The following DHX57 variants were observed in gnomAD, a reference collection of about 807,000 sequenced individuals.
The protein encoded by DHX57 is DExH-box helicase 57, also known as putative ATP-dependent RNA helicase DHX57.
DHX57 carries 105 observed loss-of-function variants against 156.2 expected under a neutral mutation model. The observed-to-expected ratio is 0.67, with a 90% confidence interval of 0.57 to 0.79. The LOEUF is 0.79. Among genes scored for constraint, DHX57 ranks in the 30% least tolerant of loss-of-function variants. DHX57 has a pLI of 0.00. For missense variants in DHX57, 1,847 were observed against 1,661.9 expected (o/e 1.11, Z -1.94); for synonymous variants, 704 against 595.6 (o/e 1.18, Z -2.65).
chr2:38,856,452 G>T lies in DHX57; in HGVS notation c.1597C>A (p.Gln533Lys). 3.1e-6 allele frequency: 5 copies of T among 1,593,776 alleles called. No homozygotes were observed. Among genetic ancestry groups the T allele is most frequent in the Non-Finnish European group, 4.3e-6 (5 of 1,174,918 alleles). The change falls in exon 7 of 24, where the codon CAG (glutamine) becomes AAG (lysine). Residue 533 changes from glutamine to lysine, a missense_variant. Gln to Lys is a moderately conservative substitution (Grantham distance 53). Transcript: ENST00000457308. ...CTCTCTTGCAGAATGGACTGGAACTGTCTGGAAGCCTAATAAAATCAAAGA... is the reference window on the plus strand; with the variant it reads ...CTCTCTTGCAGAATGGACTGGAACTTTCTGGAAGCCTAATAAAATCAAAGA... ...KQFRMKQASRQFQSILQERQS... is the reference protein window; with the variant it reads ...KQFRMKQASRKFQSILQERQS...
At chr2:38,836,301 C>T (rs1191046249) in intron 13 of DHX57, among the ~76,000 whole-genome samples, 2 of 152,186 alleles carry the variant, frequency 1.3e-5, no homozygotes, top group East Asian at 1.9e-4. Flanking sequence ...ACCTCTGCCA[C>T]CCGAGACAGC....
chr2:38,817,314 A>T (rs1001327095), intron 19 of DHX57, among the ~76,000 whole-genome samples: 1 of 151,890 alleles, frequency 6.6e-6, no homozygotes, highest in African/African-American at 2.4e-5. Flanking sequence ...GAATTTATTT[A>T]TTTATTTATT....
intron 13 of DHX57, among the ~76,000 whole-genome samples, chr2:38,834,379 T>C (rs1207421678): frequency 2.0e-5 from 3 of 148,250 alleles, no homozygotes; most frequent in Admixed American, 6.7e-5. Flanking sequence ...CTGCATACAA[T>C]GAACTATATA....
rs191050614 is a variant in DHX57, at chr2:38,834,633, T to C, written c.2542+3198A>G. 1.1e-3 allele frequency among the ~76,000 whole-genome samples: 162 copies of C among 152,310 alleles called. 1 individual carries two copies. The highest frequency in any genetic ancestry group is 3.5e-3 in the African/African-American group (147 of 41,584). On this transcript the variant is annotated intron_variant, in intron 13 of 23. Transcript: ENST00000457308. ...ATACAGTAAACCTTGAATAACATCA[T>C]GGCTATACGAAGTGCCACTAGTGAT...
At chr2:38,838,781 A>G (rs1000507456) in intron 12 of DHX57, 1 of 456,486 alleles carries the variant, frequency 2.2e-6, no homozygotes, top group East Asian at 7.0e-5. Flanking sequence ...TCCCTGAAAA[A>G]TAAATGTGAT....
At chr2:38,832,984 T>C (rs1671459748) in intron 13 of DHX57, among the ~76,000 whole-genome samples, 1 of 149,292 alleles carries the variant, frequency 6.7e-6, no homozygotes, top group South Asian at 2.1e-4. Context: ...GTCTATTCTT[T>C]TTTTTTTTTT....
At chr2:38,858,624 G>C in intron 6 of DHX57, 37 bp downstream of exon 6, 8 of 1,571,406 alleles carry the variant, frequency 5.1e-6, no homozygotes, top group Non-Finnish European at 6.9e-6. Flanking sequence ...CCAGATATTA[G>C]GGAGGCAACG....
chr2:38,846,633 A>G (rs1302918314), intron 11 of DHX57, among the ~76,000 whole-genome samples: 2 of 148,980 alleles, frequency 1.3e-5, no homozygotes, highest in African/African-American at 2.5e-5. Flanking sequence ...AAAAAAAAAG[A>G]AAGAAAGAAA....
Position 38,828,402 on chromosome 2 carries a change from T to G in DHX57, c.2577A>C (p.Glu859Asp). The change falls in exon 14 of 24, where the codon GAA becomes GAC. Residue 859 changes from glutamate to aspartate, a missense_variant. Glu to Asp is a conservative substitution (Grantham distance 45). Coordinates refer to ENST00000457308, the MANE Select transcript of DHX57 (RefSeq NM_198963.3). ...GTAGCTGTTCATAAAGCATTTTGATTTCTGCTAGTCCTGGTAAAAATACAA... is the reference window on the plus strand; with the variant it reads ...GTAGCTGTTCATAAAGCATTTTGATGTCTGCTAGTCCTGGTAAAAATACAA... Reference protein sequence around the residue: ...AILVFLPGLAEIKMLYEQLQS... With the variant: ...AILVFLPGLADIKMLYEQLQS... 1.2e-6 allele frequency: 2 copies of G among 1,613,728 alleles called. No homozygotes were observed. The highest frequency in any genetic ancestry group is 1.7e-6 in the Non-Finnish European group (2 of 1,179,812).
chr2:38,813,935 C>CTATT, intron 20 of DHX57, 40 bp from the exon 21 acceptor site: 1 of 1,602,010 alleles, frequency 6.2e-7, no homozygotes, highest in East Asian at 2.3e-5. Flanking sequence ...AGTGATATGG[C>CTATT]TATTTCTTTT....
At chr2:38,866,121 C>CA (rs1373667162) in intron 2 of DHX57, among the ~76,000 whole-genome samples, 2 of 152,182 alleles carry the variant, frequency 1.3e-5, no homozygotes, top group Admixed American at 6.5e-5. Context: ...TAAAGGCATA[C>CA]ACTGAATAGA....
At chr2:38,807,738 C>A (rs1203382991) in intron 21 of DHX57, among the ~76,000 whole-genome samples, 2 of 151,870 alleles carry the variant, frequency 1.3e-5, no homozygotes, top group Non-Finnish European at 2.9e-5. Context: ...ACCTCCGCCT[C>A]CTGGGTTCAA....
chr2:38,842,476 C>T (rs3112158), intron 12 of DHX57, among the ~76,000 whole-genome samples: 135,831 of 152,136 alleles, frequency 0.89, 62,687 homozygotes, highest in Non-Finnish European at 1. Context: ...ACTGTGGTTA[C>T]GTAAGAGAAT....
In DHX57 at chr2:38,855,602, T is replaced by C. The variant is rs537470951; in HGVS notation, c.1710-350A>G. On this transcript the variant is annotated intron_variant, in intron 7 of 23. Transcript: ENST00000457308. The stretch of plus-strand genomic sequence containing the variant: ...TATGATTATCAAAATATTTTATAGG[T>C]ATTAATTTAGCTATGATTAGGCTGA... 3.9e-5 allele frequency among the ~76,000 whole-genome samples: 6 copies of C among 152,300 alleles called. No homozygotes were observed. In the South Asian group the frequency reaches 8.3e-4, roughly 21 times the overall value.
At chr2:38,838,210 G>T (rs570346369) in intron 12 of DHX57, among the ~76,000 whole-genome samples, 6 of 152,136 alleles carry the variant, frequency 3.9e-5, no homozygotes, top group Non-Finnish European at 7.4e-5. Context: ...GTGATCCTCC[G>T]ATCTCAGCCT....
intron 20 of DHX57, among the ~76,000 whole-genome samples, chr2:38,815,218 C>T (rs1670464547): frequency 6.6e-6 from 1 of 152,050 alleles, no homozygotes; most frequent in Admixed American, 6.6e-5. Flanking sequence ...AGGTGGTACA[C>T]CACCATGCCT....
chr2:38,825,957 A>C lies in DHX57; in HGVS notation c.2904T>G (p.Val968=), dbSNP rs1342740834. 4.3e-6 allele frequency: 7 copies of C among 1,614,238 alleles called. No individual in the cohort carries two copies. The highest frequency in any genetic ancestry group is 5.9e-6 in the Non-Finnish European group (7 of 1,180,040). The change falls in exon 16 of 24, where the codon GTT becomes GTG. Residue 968 remains valine (V), a synonymous_variant. Transcript: ENST00000457308. The part of the protein sequence containing the change: ...ALQRKGRAGR[V]ASGVCFHLFT... Reference sequence around the variant, plus strand: ...ATAAATGGAAGCAGACCCCAGATGCAACACGGCCTGCTCGGCCTTTCCTTT... The same window carrying C: ...ATAAATGGAAGCAGACCCCAGATGCCACACGGCCTGCTCGGCCTTTCCTTT...
rs370092644 is a variant in DHX57 at position 38,843,541 on chromosome 2, C to T, written c.2220-331G>A. On this transcript the variant is annotated intron_variant, in intron 11 of 23. Transcript: ENST00000457308. ...TTTTTCTTCAGCAATCTTATTGATCCTCTTGTTTCTATGATAATTCCCAGG... is the reference window on the plus strand; with the variant it reads ...TTTTTCTTCAGCAATCTTATTGATCTTCTTGTTTCTATGATAATTCCCAGG... Among the ~76,000 whole-genome samples the T allele has an allele frequency of 3.9e-5, 6 of 152,166 alleles. No individual in the cohort carries two copies. The East Asian group carries it at 9.6e-4, about 24-fold the overall frequency.
At chr2:38,806,497 A>T in intron 22 of DHX57, 62 bp downstream of exon 22, 1 of 1,571,456 alleles carries the variant, frequency 6.4e-7, no homozygotes, top group South Asian at 1.2e-5. Flanking sequence ...GCTGAATTTA[A>T]GGAATTGCAT....
Sources: gnomAD v4.1 joint callset for allele counts (sites outside exome capture counted in the v4.1 genomes callset) on GRCh38, gnomAD v4.1.1 for gene constraint, MANE v1.5 for transcripts, NCBI Gene and HGNC (gene_info 2026-07-23, HGNC 2026-07-21) for gene names.